The following E4F1 variants were observed in gnomAD, a reference collection of about 807,000 sequenced individuals.
E4F1 encodes the protein E4F transcription factor 1, also known as transcription factor E4F1.
In E4F1, 30 loss-of-function variants were observed where a neutral mutation model predicts 72.9. The ratio of observed to expected loss-of-function variants is 0.41; its 90% CI spans 0.31 to 0.56. The LOEUF is 0.56. Ranked by LOEUF, E4F1 falls within the 20% of genes least tolerant of loss-of-function variation. The pLI, the probability that E4F1 is intolerant of heterozygous loss-of-function variation, is 0.25. For synonymous variants in E4F1, 542 were observed against 478.2 expected (o/e 1.13, Z -1.74); for missense variants, 1,091 against 1,117.5 (o/e 0.98, Z 0.34).
At chr16:2,232,427 G>T in intron 4 of E4F1, 29 bp from the exon 5 acceptor site, 1 of 1,606,596 alleles carries the variant, frequency 6.2e-7, no homozygotes, top group Non-Finnish European at 8.5e-7. Context: ...CCCCAGGAGG[G>T]CCCTGAGCTG....
At chr16:2,233,809 C>A (rs1771681629) in intron 8 of E4F1, 73 bp from the exon 9 acceptor site, 2 of 1,451,478 alleles carry the variant, frequency 1.4e-6, no homozygotes, top group African/African-American at 1.4e-5. Context: ...AGGGTGGGGC[C>A]CATGGTTGTG....
At chr16:2,229,032 G>A (rs2093449681) in intron 2 of E4F1, among the ~76,000 whole-genome samples, 1 of 152,260 alleles carries the variant, frequency 6.6e-6, no homozygotes, top group African/African-American at 2.4e-5. Flanking sequence ...TGCACGGTCA[G>A]GAGAGCAGGC....
intron 7 of E4F1, 69 bp from the exon 8 acceptor site, chr16:2,233,369 T>TCTGC (rs2093480572): frequency 6.9e-7 from 1 of 1,447,990 alleles, no homozygotes; most frequent in Admixed American, 2.6e-5. Context: ...CTGGCGTGCG[T>TCTGC]CTGCCCCATG....
Position 2,234,260 on chromosome 16 carries a change from C to T in E4F1, c.1465C>T (p.Arg489Cys), listed in dbSNP as rs1311526143. The change falls in exon 10 of 14, where the codon CGC becomes TGC. Residue 489 changes from arginine (R) to cysteine (C), a missense_variant. Arg to Cys is a radical substitution (Grantham distance 180). Transcript: ENST00000301727. ...KKHQEVHVRE[R>C]RFRCGDCGKL... ...GCACCAGGAGGTGCACGTGCGTGAG[C>T]GCCGCTTCCGCTGTGGCGACTGCGG... 6.8e-6 allele frequency: 11 copies of T among 1,612,904 alleles called. No individual in the cohort carries two copies. The highest frequency in any genetic ancestry group is 5.3e-5 in the African/African-American group (4 of 75,060).
rs1434821124 is a variant in E4F1, at chr16:2,235,255, C to T, written c.2038C>T (p.His680Tyr). The change falls in exon 14 of 14, where the codon CAC (histidine) becomes TAC (tyrosine). Residue 680 changes from histidine to tyrosine, a missense_variant. His to Tyr is a moderately conservative substitution (Grantham distance 83). Around this residue, in one of 5 missense-constraint regions of E4F1, gnomAD observed 622 missense variants for 628.0 expected, o/e 0.99. Transcript: ENST00000301727. ...CATGAAGGTGGTGCAGCAGATCGTG[C>T]ACCAGGCTAGCGCCGGCCACCAGAT... ...HIMKVVQQIVHQASAGHQIIV... is the reference protein window; with the variant it reads ...HIMKVVQQIVYQASAGHQIIV... 2 of 1,610,820 alleles carry T rather than the reference C, an allele frequency of 1.2e-6. No homozygotes were observed. Among genetic ancestry groups the T allele is most frequent in the East Asian group, 4.5e-5 (2 of 44,870 alleles).
chr16:2,233,336 G>A lies in E4F1; in HGVS notation c.1057-102G>A, dbSNP rs1429676540. On this transcript the variant is annotated intron_variant, in intron 7 of 13. Transcript: ENST00000301727. The stretch of plus-strand genomic sequence containing the variant: ...CAGGGCCAGTGGGAGCGCCATGGGG[G>A]TCTGAGGGTTTGCACAAGGCTCCTG... 3.5e-6 allele frequency: 5 copies of A among 1,423,928 alleles called. No homozygotes were observed. The East Asian group carries it at 7.3e-5, about 21-fold the overall frequency. The allele number at this position is 1,423,928 out of a possible 1,614,324, so 88.2% of individuals were successfully genotyped here.
chr16:2,228,748 C>T (rs549376301), intron 2 of E4F1, among the ~76,000 whole-genome samples: 4 of 152,296 alleles, frequency 2.6e-5, no homozygotes, highest in Non-Finnish European at 5.9e-5. Flanking sequence ...AGCCTCTGGT[C>T]GAAGCCCGTG....
At position 2,232,235 on chromosome 16, in the gene E4F1, C is replaced by A. The variant is rs758627188; in HGVS notation, c.480C>A (p.Ala160=). The A allele has an allele frequency of 3.7e-6, 6 of 1,612,660 alleles. No homozygotes were observed. Among genetic ancestry groups the A allele is most frequent in the Non-Finnish European group, 5.1e-6 (6 of 1,179,812 alleles). ...CGGAGCTGGGAGACGGTGAGATGGC[C>A]GAGGCCCCGGGCAGCCCCCGCCAGC... ...AEAELGDGEM[A]EAPGSPRQQG... The change falls in exon 4 of 14, where the codon GCC becomes GCA. Residue 160 remains alanine, a synonymous_variant. Coordinates refer to ENST00000301727, the MANE Select transcript of E4F1 (RefSeq NM_004424.5).
Position 2,233,194 on chromosome 16 carries a change from C to T in E4F1, c.1056+11C>T, listed in dbSNP as rs1356606500. ...GCCCTGGCCCCAGAGGTGGGGGCGA[C>T]GGGGGGCCCCGGAGGGCTGCTCTGT... On this transcript the variant is annotated intron_variant, in intron 7 of 13. Transcript: ENST00000301727. 46 of 1,588,674 alleles carry T rather than the reference C, an allele frequency of 2.9e-5. No homozygotes were observed. Among genetic ancestry groups the T allele is most frequent in the East Asian group, 4.5e-5 (2 of 44,480 alleles).
chr16:2,232,327 G>A lies in E4F1; in HGVS notation c.572G>A (p.Arg191His). The part of the protein sequence containing the change: ...QVKLLVNKDG[R>H]YVCALCHKTF... ...AAGCTACTGGTGAACAAGGATGGCC[G>A]CTATGTGTGTGCGCTGTGCCACAAG... Residue 191 changes from arginine (R) to histidine (H), a missense_variant, in exon 4 of 14, where the codon CGC becomes CAC. By Grantham distance (29) the Arg-to-His change is conservative (BLOSUM62 0). Transcript: ENST00000301727. The A allele has an allele frequency of 6.2e-7, 1 of 1,608,648 alleles. No homozygotes were observed. The highest frequency in any genetic ancestry group is 8.5e-7 in the Non-Finnish European group (1 of 1,177,526).
chr16:2,234,822 G>A lies in E4F1; in HGVS notation c.1793-37G>A, dbSNP rs772548010. On this transcript the variant is annotated intron_variant, in intron 11 of 13. Coordinates refer to ENST00000301727, the MANE Select transcript of E4F1 (RefSeq NM_004424.5). ...GGTGGGAGGGGGAGGGGAGGGGGCCGGGGCTTGCCTAGCCCTGACCGAGTC... is the reference window on the plus strand; with the variant it reads ...GGTGGGAGGGGGAGGGGAGGGGGCCAGGGCTTGCCTAGCCCTGACCGAGTC... 13 of 1,541,250 alleles carry A rather than the reference G, an allele frequency of 8.4e-6. No individual in the cohort carries two copies. In the East Asian group the frequency reaches 1.7e-4, roughly 20 times the overall value.
Position 2,234,859 on chromosome 16 carries a change from G to C in E4F1, c.1793G>C (p.Gly598Ala), listed in dbSNP as rs1239597916. 1 of 1,549,548 alleles carries C rather than the reference G, an allele frequency of 6.5e-7. No homozygotes were observed. Among genetic ancestry groups the C allele is most frequent in the South Asian group, 1.2e-5 (1 of 84,046 alleles). Residue 598 changes from glycine to alanine, a missense_variant and splice_region_variant, in exon 12 of 14, where the codon GGG (glycine) becomes GCG (alanine). Coordinates refer to ENST00000301727, the MANE Select transcript of E4F1 (RefSeq NM_004424.5). ...GTLNRHLRTKGGCLLEVEELL... is the reference protein window; with the variant it reads ...GTLNRHLRTKAGCLLEVEELL... Reference sequence around the variant, plus strand: ...GCCCTGACCGAGTCCCCACCCACAGGGGGCTGCCTGCTGGAGGTGGAGGAG... The same window carrying C: ...GCCCTGACCGAGTCCCCACCCACAGCGGGCTGCCTGCTGGAGGTGGAGGAG...
In E4F1 at chr16:2,227,758, C is replaced by T. The variant is rs1342332549; in HGVS notation, c.158-614C>T. Among the ~76,000 whole-genome samples the T allele has an allele frequency of 3.3e-5, 5 of 152,150 alleles. No homozygotes were observed. In the East Asian group the frequency reaches 9.6e-4, roughly 29 times the overall value. ...TCAGGTGATACACCTGTCTCAGCCTCCCAAAGTGTTGGGATTACAGGTGTG... is the reference window on the plus strand; with the variant it reads ...TCAGGTGATACACCTGTCTCAGCCTTCCAAAGTGTTGGGATTACAGGTGTG... On this transcript the variant is annotated intron_variant, in intron 1 of 13. Transcript: ENST00000301727.
In E4F1 at chr16:2,232,671, G is replaced by C. The variant is rs1001733387; in HGVS notation, c.731-85G>C. On this transcript the variant is annotated intron_variant, in intron 5 of 13. Coordinates refer to ENST00000301727, the MANE Select transcript of E4F1 (RefSeq NM_004424.5). Reference sequence around the variant, plus strand: ...CGCATTCCCCAGCTTTGGGGGATGAGGCGGGGGCCCCTGCCTGCCTTCGCC... The same window carrying C: ...CGCATTCCCCAGCTTTGGGGGATGACGCGGGGGCCCCTGCCTGCCTTCGCC... 5 of 1,606,082 alleles carry C rather than the reference G, an allele frequency of 3.1e-6. No homozygotes were observed. The Admixed American group carries it at 8.4e-5, about 27-fold the overall frequency.
At chr16:2,223,947 C>A in intron 1 of E4F1, 177 bp downstream of exon 1, 1 of 1,525,674 alleles carries the variant, frequency 6.6e-7, no homozygotes, top group Non-Finnish European at 8.7e-7. Flanking sequence ...GCGACCCTCA[C>A]GGGCCTCTCC....
chr16:2,235,063 T>TTCTGCCCA lies in E4F1; in HGVS notation c.1936-9_1936-2dup. ...GGGCAGCCAAGGCTGACCTCTGTCC[T>TTCTGCCCA]TCTGCCCATCTGCCCAGGCCACTGC... On this transcript the variant is annotated splice_polypyrimidine_tract_variant and intron_variant, in intron 12 of 13. Transcript: ENST00000301727. 1 of 1,612,426 alleles carries TTCTGCCCA rather than the reference T, an allele frequency of 6.2e-7. No homozygotes were observed. The highest frequency in any genetic ancestry group is 1.1e-5 in the South Asian group (1 of 91,068).
At position 2,234,323 on chromosome 16, in the gene E4F1, C is replaced by T. The variant is rs143952001; in HGVS notation, c.1528C>T (p.Arg510Trp). ...YKTIAHVRGH[R>W]RVHSDERPYP... is the part of the protein sequence containing the mutation. The stretch of plus-strand genomic sequence containing the variant: ...GACCATTGCCCATGTGCGTGGCCAC[C>T]GGCGCGTCCACTCAGACGAGCGGCC... The change falls in exon 10 of 14, where the codon CGG (arginine) becomes TGG (tryptophan). Residue 510 changes from arginine to tryptophan, a missense_variant. Arg to Trp is a moderately radical substitution (Grantham distance 101). Transcript: ENST00000301727. 1.2e-5 allele frequency: 20 copies of T among 1,612,866 alleles called. No individual in the cohort carries two copies. The highest frequency in any genetic ancestry group is 2.7e-5 in the African/African-American group (2 of 74,938).
At position 2,232,216 on chromosome 16, in the gene E4F1, T is replaced by C. The variant is rs753827991; in HGVS notation, c.461T>C (p.Leu154Pro). 5.6e-6 allele frequency: 9 copies of C among 1,612,606 alleles called. No homozygotes were observed. The South Asian group carries it at 9.9e-5, about 18-fold the overall frequency. The change falls in exon 4 of 14, where the codon CTG becomes CCG. Residue 154 changes from leucine (L) to proline (P), a missense_variant. Leu to Pro is a moderately conservative substitution (Grantham distance 98). Transcript: ENST00000301727. ...GTCATCGTGGCTGCTGAGGCGGAGCTGGGAGACGGTGAGATGGCCGAGGCC... is the reference window on the plus strand; with the variant it reads ...GTCATCGTGGCTGCTGAGGCGGAGCCGGGAGACGGTGAGATGGCCGAGGCC... ...KEVIVAAEAELGDGEMAEAPG... is the reference protein window; with the variant it reads ...KEVIVAAEAEPGDGEMAEAPG...
chr16:2,234,193 G>A lies in E4F1; in HGVS notation c.1398G>A (p.Ala466=), dbSNP rs757711242. ...GHTGPRPFAC[A]QCGKAFPKAY... ...CAGGGCCGAGGCCGTTCGCCTGCGC[G>A]CAGTGTGGCAAGGCCTTCCCCAAGG... The change falls in exon 10 of 14, where the codon GCG becomes GCA. Residue 466 remains alanine, a synonymous_variant. Coordinates refer to ENST00000301727, the MANE Select transcript of E4F1 (RefSeq NM_004424.5). 1.2e-5 allele frequency: 20 copies of A among 1,612,354 alleles called. No individual in the cohort carries two copies. The highest frequency in any genetic ancestry group is 1.1e-4 in the East Asian group (5 of 44,888).
Sources: allele counts gnomAD v4.1 joint callset (sites outside exome capture counted in the v4.1 genomes callset), GRCh38; gene constraint gnomAD v4.1.1; regional missense constraint gnomAD v4.1.1; transcripts MANE v1.5; gene names NCBI Gene and HGNC (gene_info 2026-07-23, HGNC 2026-07-21).